SPNS1: variants seen among roughly 807,000 people sequenced by gnomAD.
The protein encoded by SPNS1 is SPNS lysolipid transporter 1, lysophospholipid.
In SPNS1, 22 loss-of-function variants were observed where a neutral mutation model predicts 50.3. The ratio of observed to expected loss-of-function variants is 0.44; its 90% CI spans 0.31 to 0.62. The LOEUF (loss-of-function observed/expected upper bound fraction) is 0.62, where lower values mean the gene tolerates loss of function less well. Ranked by LOEUF, SPNS1 falls within the 20% of genes least tolerant of loss-of-function variation. The pLI, the probability that SPNS1 is intolerant of heterozygous loss-of-function variation, is 0.07. For missense variants in SPNS1, 576 were observed against 728.6 expected, an observed-to-expected ratio of 0.79 and a Z score of 2.41; for synonymous variants, 295 against 317.4, an observed-to-expected ratio of 0.93 and a Z score of 0.75.
chr16:28,983,014 C>A lies in SPNS1; in HGVS notation c.1221+92C>A. The A allele has an allele frequency of 7.1e-7, 1 of 1,410,308 alleles. No homozygotes were observed. The highest frequency in any genetic ancestry group is 1.0e-6 in the Non-Finnish European group (1 of 1,000,784). The allele number at this position is 1,410,308 out of a possible 1,614,324, so 87.4% of individuals were successfully genotyped here. A position where few individuals can be genotyped will look rare whatever the true frequency, so the allele number is the denominator to read the frequency against. On this transcript the variant is annotated intron_variant, in intron 9 of 11. Transcript: ENST00000311008. This position sits in a 1 kb window ranked among gnomAD's most constrained non-coding sequence, Gnocchi z 5.4. Reference sequence around the variant, plus strand: ...TTGCCTCTACCCCTCAAAGCCCAGCCTCAACCTACCTTCTGCAATAAATAA... The same window carrying A: ...TTGCCTCTACCCCTCAAAGCCCAGCATCAACCTACCTTCTGCAATAAATAA...
At chr16:28,978,833 A>C (rs979466919) in intron 3 of SPNS1, 5 of 287,356 alleles carry the variant, frequency 1.7e-5, no homozygotes, top group African/African-American at 8.9e-5. Flanking sequence ...TTAAAAAAAA[A>C]AAATTAAAAA....
rs141720636 is a variant in SPNS1 at position 28,975,282 on chromosome 16, A to G, written c.131A>G (p.Gln44Arg). Residue 44 changes from glutamine to arginine, a missense_variant, in exon 1 of 12, where the codon CAG (glutamine) becomes CGG (arginine). Physicochemically the swap from Gln to Arg is conservative, Grantham distance 43 (BLOSUM62 1). Coordinates refer to ENST00000311008, the MANE Select transcript of SPNS1 (RefSeq NM_032038.3). ...PKSEEPEVPD[Q>R]EGLQRITGLS... The stretch of plus-strand genomic sequence containing the variant: ...TCCGAGGAGCCCGAGGTCCCGGACC[A>G]GGAGGGGCTGCAGCGCATCACCGGC... 6,925 of 1,575,438 alleles carry G rather than the reference A, an allele frequency of 4.4e-3. 37 individuals carry two copies. Among genetic ancestry groups the G allele is most frequent in the South Asian group, 0.012 (1,063 of 86,534 alleles).
At chr16:28,978,834 A>C (rs1456440979) in intron 3 of SPNS1, 1 of 289,624 alleles carries the variant, frequency 3.5e-6, no homozygotes, top group African/African-American at 2.2e-5. Flanking sequence ...TAAAAAAAAA[A>C]AATTAAAAAA....
chr16:28,976,258 C>T (rs1478127638), intron 2 of SPNS1, among the ~76,000 whole-genome samples: 8 of 152,044 alleles, frequency 5.3e-5, no homozygotes, highest in African/African-American at 1.2e-4. Flanking sequence ...GGTGACAGAG[C>T]GAGACTCCAT....
intron 2 of SPNS1, among the ~76,000 whole-genome samples, chr16:28,975,767 TG>T (rs1965321184): frequency 6.6e-6 from 1 of 152,328 alleles, no homozygotes; most frequent in South Asian, 2.1e-4. Context: ...TTCACCCAGG[TG>T]AAGACAGACC....
In SPNS1 at chr16:28,981,396, C is replaced by T; in HGVS notation, c.664-74C>T. 5.0e-6 allele frequency: 8 copies of T among 1,584,334 alleles called. No individual in the cohort carries two copies. The highest frequency in any genetic ancestry group is 2.2e-5 in the East Asian group (1 of 44,580). On this transcript the variant is annotated intron_variant, in intron 5 of 11. Transcript: ENST00000311008. This position sits in a 1 kb window ranked among gnomAD's most constrained non-coding sequence, Gnocchi z 4.2. ...AGGTCTCAGGCTGGAGTTATCTGTA[C>T]CCCACACTCTCCTCCAGCCCAGGGC...
chr16:28,978,066 T>G, intron 3 of SPNS1, 22 bp downstream of exon 3: 1 of 1,608,982 alleles, frequency 6.2e-7, no homozygotes, highest in Non-Finnish European at 8.5e-7. Flanking sequence ...AGCTGGCTCC[T>G]GTTTCTGCCC....
In SPNS1 at chr16:28,983,720, G is replaced by A. The variant is rs900895558; in HGVS notation, c.1321-66G>A. ...CTTGTCTTTCTCCCTGGAGCTCAGG[G>A]GCGTGCCCTCCCTGGTTCATCCATG... On this transcript the variant is annotated intron_variant, in intron 10 of 11. Coordinates refer to ENST00000311008, the MANE Select transcript of SPNS1 (RefSeq NM_032038.3). The surrounding 1 kb of genome is among the most constrained non-coding windows in gnomAD (Gnocchi z 5.4). The A allele has an allele frequency of 2.4e-5, 36 of 1,496,226 alleles. No individual in the cohort carries two copies. Among genetic ancestry groups the A allele is most frequent in the Non-Finnish European group, 8.0e-6 (9 of 1,122,960 alleles). The allele number at this position is 1,496,226 out of a possible 1,614,324, so 92.7% of individuals were successfully genotyped here.
chr16:28,978,175 C>A (rs1965408278), intron 3 of SPNS1, 131 bp downstream of exon 3: 9 of 1,267,950 alleles, frequency 7.1e-6, no homozygotes, highest in East Asian at 2.3e-5. Context: ...CCATTTTATA[C>A]CCCTCCTTGC....
In SPNS1 at chr16:28,974,797, A is replaced by G; in HGVS notation, c.-355A>G. 6.5e-7 allele frequency: 1 copy of G among 1,535,678 alleles called. No homozygotes were observed. The highest frequency in any genetic ancestry group is 8.7e-7 in the Non-Finnish European group (1 of 1,146,544). On this transcript the variant is annotated 5_prime_UTR_variant, in exon 1 of 12. Coordinates refer to ENST00000311008, the MANE Select transcript of SPNS1 (RefSeq NM_032038.3). Reference sequence around the variant, plus strand: ...CGCGTCACATGACCGGCTTTAAGCAACATGGCGGCTGCCGTGGTGCAGCGC... The same window carrying G: ...CGCGTCACATGACCGGCTTTAAGCAGCATGGCGGCTGCCGTGGTGCAGCGC...
In SPNS1 at chr16:28,983,722, C is replaced by T. The variant is rs1946568349; in HGVS notation, c.1321-64C>T. On this transcript the variant is annotated intron_variant, in intron 10 of 11. Coordinates refer to ENST00000311008, the MANE Select transcript of SPNS1 (RefSeq NM_032038.3). This position sits in a 1 kb window ranked among gnomAD's most constrained non-coding sequence, Gnocchi z 5.4. Reference sequence around the variant, plus strand: ...TGTCTTTCTCCCTGGAGCTCAGGGGCGTGCCCTCCCTGGTTCATCCATGAG... The same window carrying T: ...TGTCTTTCTCCCTGGAGCTCAGGGGTGTGCCCTCCCTGGTTCATCCATGAG... The T allele has an allele frequency of 8.7e-6, 13 of 1,493,020 alleles. No individual in the cohort carries two copies. The South Asian group carries it at 9.2e-5, about 11-fold the overall frequency. The allele number at this position is 1,493,020 out of a possible 1,614,324, so 92.5% of individuals were successfully genotyped here.
Position 28,979,144 on chromosome 16 carries a change from T to C in SPNS1, c.445-11T>C. On this transcript the variant is annotated splice_polypyrimidine_tract_variant and intron_variant, in intron 3 of 11. Transcript: ENST00000311008. The stretch of plus-strand genomic sequence containing the variant: ...GCTGGGGTGCCACCTCTCCCCGGTC[T>C]CTCTCCCCAGCATTTCTGGCTGCTC... The C allele has an allele frequency of 6.2e-7, 1 of 1,612,204 alleles. No individual in the cohort carries two copies. The highest frequency in any genetic ancestry group is 8.5e-7 in the Non-Finnish European group (1 of 1,179,166).
At position 28,978,026 on chromosome 16, in the gene SPNS1, A is replaced by C; in HGVS notation, c.426A>C (p.Ser142=). Residue 142 remains serine (S), a synonymous_variant, in exon 3 of 12, where the codon TCA becomes TCC. Transcript: ENST00000311008. ...IAFWSLVTLG[S]SFIPGEHFWL... ...TCTGGTCCCTGGTGACACTGGGGTC[A>C]TCCTTCATCCCCGGAGAGGTGAGGC... is the stretch of plus-strand genomic sequence containing the variant. 1 of 1,613,604 alleles carries C rather than the reference A, an allele frequency of 6.2e-7. No individual in the cohort carries two copies. Among genetic ancestry groups the C allele is most frequent in the Non-Finnish European group, 8.5e-7 (1 of 1,179,758 alleles).
rs748205194 is a variant in SPNS1 at position 28,983,913 on chromosome 16, T to C, written c.1448T>C (p.Ile483Thr). ...GGCGCAGCCTTCCTGGGCACCGCCA[T>C]CTTCATTGAGGCCGACCGCCGGCGG... ...LGGAAFLGTA[I>T]FIEADRRRAQ... Residue 483 changes from isoleucine (I) to threonine (T), a missense_variant, in exon 11 of 12, where the codon ATC becomes ACC. Transcript: ENST00000311008. The surrounding 1 kb of genome is among the most constrained non-coding windows in gnomAD (Gnocchi z 5.4). 1.9e-6 allele frequency: 3 copies of C among 1,598,504 alleles called. No homozygotes were observed. The highest frequency in any genetic ancestry group is 2.5e-6 in the Non-Finnish European group (3 of 1,178,076).
At chr16:28,977,816 C>T in intron 2 of SPNS1, 92 bp from the exon 3 acceptor site, 1 of 1,504,586 alleles carries the variant, frequency 6.6e-7, no homozygotes, top group Non-Finnish European at 9.1e-7. Flanking sequence ...AAGGAGAAGG[C>T]AGGCATCTCC....
chr16:28,977,787 G>A, intron 2 of SPNS1, 121 bp from the exon 3 acceptor site: 2 of 1,274,610 alleles, frequency 1.6e-6, no homozygotes, highest in South Asian at 1.4e-5. Context: ...CTGGGATGTG[G>A]GGGTGTTGTG....
Position 28,982,471 on chromosome 16 carries a change from A to G in SPNS1, c.1081A>G (p.Thr361Ala). Reference sequence around the variant, plus strand: ...CCGGGCTGATCCCCTGGTCTGTGCCACTGGCCTCCTGGGCTCTGCACCCTT... The same window carrying G: ...CCGGGCTGATCCCCTGGTCTGTGCCGCTGGCCTCCTGGGCTCTGCACCCTT... The part of the protein sequence containing the change: ...NPRADPLVCA[T>A]GLLGSAPFLF... Residue 361 changes from threonine to alanine, a missense_variant, in exon 8 of 12, where the codon ACT (threonine) becomes GCT (alanine). Transcript: ENST00000311008. The G allele has an allele frequency of 6.2e-7, 1 of 1,613,830 alleles. No individual in the cohort carries two copies. The highest frequency in any genetic ancestry group is 8.5e-7 in the Non-Finnish European group (1 of 1,179,950).
At chr16:28,976,841 A>G (rs1445140554) in intron 2 of SPNS1, among the ~76,000 whole-genome samples, 1 of 152,180 alleles carries the variant, frequency 6.6e-6, no homozygotes, top group Non-Finnish European at 1.5e-5. Context: ...CACTCTCTTC[A>G]CATGCTTATT....
rs115454381 is a variant in SPNS1 at position 28,977,384 on chromosome 16, C to A, written c.308-524C>A. ...GGTACTGGATGTGTGCTCACCTGGG[C>A]AGCATGCTTCACCCTTGGCCCTGGG... On this transcript the variant is annotated intron_variant, in intron 2 of 11. Coordinates refer to ENST00000311008, the MANE Select transcript of SPNS1 (RefSeq NM_032038.3). Among the ~76,000 whole-genome samples, 652 of 151,286 alleles carry A rather than the reference C, an allele frequency of 4.3e-3. 2 individuals are homozygous for A. Among genetic ancestry groups the A allele is most frequent in the African/African-American group, 0.015 (615 of 41,148 alleles).
Sources: allele counts gnomAD v4.1 joint callset (sites outside exome capture counted in the v4.1 genomes callset), GRCh38; gene constraint gnomAD v4.1.1; non-coding constraint Gnocchi (gnomAD v3.1); transcripts MANE v1.5; gene names NCBI Gene and HGNC (gene_info 2026-07-23, HGNC 2026-07-21).